Variants in ATP2B4 observed in about 807,000 individuals in gnomAD.
The protein encoded by ATP2B4 is plasma membrane calcium-transporting ATPase 4.
Under a neutral mutation model 110.3 loss-of-function variants are expected in ATP2B4, and 39 were observed. The ratio of observed to expected loss-of-function variants is 0.35; its 90% CI spans 0.27 to 0.46. ATP2B4 has a LOEUF of 0.46. ATP2B4 is among the 20% of genes least tolerant of loss of function. The pLI is 1.00. For synonymous variants in ATP2B4, 538 were observed against 571.7 expected (o/e 0.94, Z 0.84); for missense variants, 1,135 against 1,530.9 (o/e 0.74, Z 4.32).
At chr1:203,679,735 A>T (rs1347612690) in intron 1 of ATP2B4, among the ~76,000 whole-genome samples, 1 of 152,148 alleles carries the variant, frequency 6.6e-6, no homozygotes, top group East Asian at 1.9e-4. Flanking sequence ...TACAAAAATT[A>T]GCTGGGCATG....
intron 10 of ATP2B4, 152 bp from the exon 11 acceptor site, chr1:203,709,149 T>TC (rs1460845757): frequency 2.8e-6 from 3 of 1,061,262 alleles, no homozygotes; most frequent in Non-Finnish European, 4.0e-6. Context: ...AGAGCGAGAC[T>TC]CCATCTCCAA....
At chr1:203,657,293 A>G (rs1043969287) in intron 1 of ATP2B4, 6 of 731,382 alleles carry the variant, frequency 8.2e-6, no homozygotes, top group Non-Finnish European at 1.5e-5. Flanking sequence ...AGCAGAGTTT[A>G]GTAACCACCC....
rs373406101 is a variant in ATP2B4 at position 203,712,061 on chromosome 1, C to T, written c.2133C>T (p.Gly711=). ...CCCGGGCCATTGCCACCAAATGTGGCATTCTGACACCTGGGGATGACTTCC... is the reference window on the plus strand; with the variant it reads ...CCCGGGCCATTGCCACCAAATGTGGTATTCTGACACCTGGGGATGACTTCC... ...NTARAIATKC[G]ILTPGDDFLC... is the part of the protein sequence containing the mutation. The change falls in exon 13 of 21, where the codon GGC becomes GGT. Residue 711 remains glycine (G), a synonymous_variant. Coordinates refer to ENST00000357681, the MANE Select transcript of ATP2B4 (RefSeq NM_001684.5). 6.2e-7 allele frequency: 1 copy of T among 1,614,188 alleles called. No individual in the cohort carries two copies. The highest frequency in any genetic ancestry group is 8.5e-7 in the Non-Finnish European group (1 of 1,180,008).
At chr1:203,723,096 G>A (rs1326968008) in intron 18 of ATP2B4, among the ~76,000 whole-genome samples, 1 of 151,980 alleles carries the variant, frequency 6.6e-6, no homozygotes, top group Non-Finnish European at 1.5e-5. Context: ...AAGGGCTTAT[G>A]ATAAAAAGTG....
intron 1 of ATP2B4, among the ~76,000 whole-genome samples, chr1:203,654,753 G>T (rs1435320257): frequency 1.3e-5 from 2 of 152,078 alleles, no homozygotes; most frequent in Non-Finnish European, 2.9e-5. Context: ...CAGGCATGGT[G>T]GTGTGCTCTT....
chr1:203,726,095 C>T (rs1271721647), intron 19 of ATP2B4, among the ~76,000 whole-genome samples: 2 of 149,976 alleles, frequency 1.3e-5, no homozygotes, highest in Non-Finnish European at 3.0e-5. Flanking sequence ...AAAAATTGGC[C>T]GGGCATGGTG....
rs1666025213 is a variant in ATP2B4, at chr1:203,712,077, G to A, written c.2149G>A (p.Asp717Asn). 3 of 1,614,054 alleles carry A rather than the reference G, an allele frequency of 1.9e-6. No individual in the cohort carries two copies. The highest frequency in any genetic ancestry group is 1.1e-5 in the South Asian group (1 of 91,086). ...ATKCGILTPG[D>N]DFLCLEGKEF... ...CAAATGTGGCATTCTGACACCTGGG[G>A]ATGACTTCCTGTGCTTAGAAGGCAA... The change falls in exon 13 of 21, where the codon GAT becomes AAT. Residue 717 changes from aspartate to asparagine, a missense_variant. Physicochemically the swap from Asp to Asn is conservative, Grantham distance 23. Coordinates refer to ENST00000357681, the MANE Select transcript of ATP2B4 (RefSeq NM_001684.5).
intron 1 of ATP2B4, among the ~76,000 whole-genome samples, chr1:203,660,350 T>C (rs967720183): frequency 4.6e-5 from 7 of 152,190 alleles, no homozygotes; most frequent in African/African-American, 1.7e-4. Context: ...TAAAAATAGC[T>C]ATCACAAAAG....
intron 1 of ATP2B4, among the ~76,000 whole-genome samples, chr1:203,653,983 A>ATTTT (rs1247793523): frequency 6.8e-5 from 1 of 14,630 alleles, no homozygotes; most frequent in Admixed American, 1.0e-3. Context: ...ATATATATAT[A>ATTTT]TATTTTTTTT....
chr1:203,639,037 G>C (rs536936565), intron 1 of ATP2B4, among the ~76,000 whole-genome samples: 15 of 152,296 alleles, frequency 9.8e-5, no homozygotes, highest in African/African-American at 3.4e-4. Flanking sequence ...GGTGTGCAGA[G>C]ATCTCCTCCT....
At chr1:203,728,731 C>G (rs552744584) in intron 20 of ATP2B4, among the ~76,000 whole-genome samples, 1 of 152,280 alleles carries the variant, frequency 6.6e-6, no homozygotes, top group Admixed American at 6.5e-5. Context: ...GTGGCACATG[C>G]CTGTAATCCC....
intron 20 of ATP2B4, among the ~76,000 whole-genome samples, chr1:203,739,318 G>A (rs558693036): frequency 4.0e-5 from 6 of 151,842 alleles, no homozygotes; most frequent in Middle Eastern, 3.4e-3. Flanking sequence ...CTTTCAAAAC[G>A]TCCTAGTTGC....
chr1:203,654,755 T>C (rs929637147), intron 1 of ATP2B4, among the ~76,000 whole-genome samples: 2 of 151,984 alleles, frequency 1.3e-5, no homozygotes, highest in Non-Finnish European at 2.9e-5. Context: ...GGCATGGTGG[T>C]GTGCTCTTGT....
At chr1:203,667,040 G>A (rs1434037906) in intron 1 of ATP2B4, among the ~76,000 whole-genome samples, 1 of 152,116 alleles carries the variant, frequency 6.6e-6, no homozygotes, top group Non-Finnish European at 1.5e-5. Context: ...CAACCTCTGC[G>A]TCCCAGGTTC....
intron 1 of ATP2B4, chr1:203,657,276 C>T: frequency 1.4e-6 from 1 of 720,738 alleles, no homozygotes. Context: ...AAAGCCATCT[C>T]CGACAAAGCA....
chr1:203,681,987 CCTCTT>C (rs1210973022), intron 1 of ATP2B4, among the ~76,000 whole-genome samples: 3 of 149,506 alleles, frequency 2.0e-5, no homozygotes, highest in Admixed American at 1.3e-4. Context: ...ATTTTACTCT[CCTCTT>C]CTCCCCAAAA....
chr1:203,711,013 G>T lies in ATP2B4; in HGVS notation c.1936G>T (p.Asp646Tyr). ...RTICIAYRDF[D>Y]DTEPSWDNEN... The stretch of plus-strand genomic sequence containing the variant: ...TATCTGCATAGCTTACCGGGACTTC[G>T]ATGACACAGAGCCCTCTTGGGACAA... Residue 646 changes from aspartate (D) to tyrosine (Y), a missense_variant, in exon 12 of 21, where the codon GAT (aspartate) becomes TAT (tyrosine). Coordinates refer to ENST00000357681, the MANE Select transcript of ATP2B4 (RefSeq NM_001684.5). 1.2e-6 allele frequency: 2 copies of T among 1,614,066 alleles called. No homozygotes were observed. The highest frequency in any genetic ancestry group is 1.7e-6 in the Non-Finnish European group (2 of 1,180,006).
chr1:203,722,451 C>T, intron 17 of ATP2B4, 27 bp from the exon 18 acceptor site: 1 of 1,561,706 alleles, frequency 6.4e-7, no homozygotes, highest in South Asian at 1.1e-5. Context: ...CACACTTAAC[C>T]TCCAGTGCTT....
At chr1:203,710,329 C>T (rs971120414) in intron 11 of ATP2B4, among the ~76,000 whole-genome samples, 3 of 151,800 alleles carry the variant, frequency 2.0e-5, no homozygotes, top group Non-Finnish European at 4.4e-5. Flanking sequence ...GAGATCGCAC[C>T]ACTGCACTCC....
Sources: allele counts gnomAD v4.1 joint callset (sites outside exome capture counted in the v4.1 genomes callset), GRCh38; gene constraint gnomAD v4.1.1; transcripts MANE v1.5; gene names NCBI Gene and HGNC (gene_info 2026-07-23, HGNC 2026-07-21).